LOXL1: variants seen among roughly 807,000 people sequenced by gnomAD.
The protein encoded by LOXL1 is lysyl oxidase like 1.
In LOXL1, 31 loss-of-function variants were observed where a neutral mutation model predicts 62.2. The ratio of observed to expected loss-of-function variants is 0.50; its 90% CI spans 0.37 to 0.67. The LOEUF (loss-of-function observed/expected upper bound fraction) is 0.67. Among genes scored for constraint, LOXL1 ranks in the 30% least tolerant of loss-of-function variants. The pLI, the probability that LOXL1 is intolerant of heterozygous loss-of-function variation, is 0.00. For synonymous variants in LOXL1, 403 were observed against 384.4 expected (o/e 1.05, Z -0.56); for missense variants, 775 against 843.4 (o/e 0.92, Z 1.00).
intron 1 of LOXL1, among the ~76,000 whole-genome samples, chr15:73,940,662 G>A (rs1430656358): frequency 2.6e-5 from 4 of 152,108 alleles, no homozygotes; most frequent in African/African-American, 9.7e-5. Flanking sequence ...GTGTGCCCAG[G>A]GCCAGGGTTC....
intron 1 of LOXL1, 83 bp downstream of exon 1, chr15:73,927,968 G>C (rs2068603455): frequency 1.6e-6 from 2 of 1,214,428 alleles, no homozygotes; most frequent in Non-Finnish European, 2.1e-6. Context: ...CCCCTCCTTA[G>C]AACTTCCTGG....
chr15:73,935,141 T>C (rs1004616457), intron 1 of LOXL1, among the ~76,000 whole-genome samples: 1 of 152,192 alleles, frequency 6.6e-6, no homozygotes, highest in African/African-American at 2.4e-5. Context: ...ACTCAGCGTT[T>C]GAGCTGAGTA....
intron 1 of LOXL1, among the ~76,000 whole-genome samples, chr15:73,934,728 C>T (rs558067354): frequency 6.6e-6 from 1 of 152,278 alleles, no homozygotes; most frequent in Admixed American, 6.5e-5. Flanking sequence ...TGTGGATCTT[C>T]TATTTTCATG....
chr15:73,931,371 T>G (rs2068634655), intron 1 of LOXL1, among the ~76,000 whole-genome samples: 1 of 152,154 alleles, frequency 6.6e-6, no homozygotes, highest in Non-Finnish European at 1.5e-5. Flanking sequence ...GTCCTGCATG[T>G]GGGGCAGATA....
intron 2 of LOXL1, among the ~76,000 whole-genome samples, chr15:73,946,029 G>A (rs1043405045): frequency 1.3e-5 from 2 of 152,156 alleles, no homozygotes; most frequent in African/African-American, 4.8e-5. Flanking sequence ...AAAGTGCCTG[G>A]CCCCCGCAAT....
At chr15:73,928,098 T>C in intron 1 of LOXL1, 1 of 419,306 alleles carries the variant, frequency 2.4e-6, no homozygotes, top group Non-Finnish European at 4.1e-6. Flanking sequence ...GCATCATCAG[T>C]GCCAGGGGTT....
chr15:73,946,034 C>T (rs536649285), intron 2 of LOXL1, among the ~76,000 whole-genome samples: 174 of 152,318 alleles, frequency 1.1e-3, no homozygotes, highest in Non-Finnish European at 1.9e-3. Context: ...GCCTGGCCCC[C>T]GCAATAGGGC....
chr15:73,946,047 T>A (rs896623037), intron 2 of LOXL1, among the ~76,000 whole-genome samples: 1 of 152,132 alleles, frequency 6.6e-6, no homozygotes, highest in African/African-American at 2.4e-5. Context: ...AATAGGGCTG[T>A]TTTTCAGTGG....
At position 73,947,915 on chromosome 15, in the gene LOXL1, G is replaced by A. The variant is rs767396248; in HGVS notation, c.1602+13G>A. Reference sequence around the variant, plus strand: ...CTACATCCTCAAGGTGGGCCTCTGGGTCTGGGGCTTTCCCTCCAACCTGAT... The same window carrying A: ...CTACATCCTCAAGGTGGGCCTCTGGATCTGGGGCTTTCCCTCCAACCTGAT... On this transcript the variant is annotated intron_variant, in intron 5 of 6. Transcript: ENST00000261921. The A allele has an allele frequency of 1.2e-6, 2 of 1,600,090 alleles. No individual in the cohort carries two copies. The highest frequency in any genetic ancestry group is 1.1e-5 in the South Asian group (1 of 89,996).
At chr15:73,929,306 C>T (rs2068619070) in intron 1 of LOXL1, among the ~76,000 whole-genome samples, 1 of 152,206 alleles carries the variant, frequency 6.6e-6, no homozygotes, top group Non-Finnish European at 1.5e-5. Flanking sequence ...TGTGCCTGGC[C>T]CACCAAGTAA....
intron 1 of LOXL1, chr15:73,941,987 G>T: frequency 3.7e-6 from 1 of 267,524 alleles, no homozygotes; most frequent in Non-Finnish European, 8.4e-6. Context: ...ACAAGGACGG[G>T]GGCAGTCTCC....
chr15:73,942,226 C>G (rs2068719026), intron 1 of LOXL1, among the ~76,000 whole-genome samples: 1 of 152,122 alleles, frequency 6.6e-6, no homozygotes, highest in South Asian at 2.1e-4. Context: ...GAGAATCCTG[C>G]CCTGTCAGCA....
At chr15:73,931,154 G>A (rs1055613543) in intron 1 of LOXL1, among the ~76,000 whole-genome samples, 7 of 136,652 alleles carry the variant, frequency 5.1e-5, no homozygotes, top group African/African-American at 1.5e-4. Context: ...CGCACCCCCC[G>A]CCTGACTCAC....
At chr15:73,940,102 G>T (rs1404038834) in intron 1 of LOXL1, among the ~76,000 whole-genome samples, 2 of 152,212 alleles carry the variant, frequency 1.3e-5, no homozygotes, top group African/African-American at 4.8e-5. Context: ...GAGCGGAGGA[G>T]ACACACACAG....
chr15:73,946,560 T>A lies in LOXL1; in HGVS notation c.1349+6T>A, dbSNP rs2068749404. The A allele has an allele frequency of 6.2e-7, 1 of 1,600,316 alleles. No individual in the cohort carries two copies. Among genetic ancestry groups the A allele is most frequent in the Non-Finnish European group, 8.5e-7 (1 of 1,173,546 alleles). On this transcript the variant is annotated splice_donor_region_variant and intron_variant, in intron 3 of 6. Coordinates refer to ENST00000261921, the MANE Select transcript of LOXL1 (RefSeq NM_005576.4). The stretch of plus-strand genomic sequence containing the variant: ...GAGTGGCACAGCTGCCACCAGTGAG[T>A]GGGGAGGGGCTGGGCCCGTCCTCTT...
chr15:73,938,317 AGG>A (rs879697994), intron 1 of LOXL1, among the ~76,000 whole-genome samples: 7,373 of 150,072 alleles, frequency 0.049, 241 homozygotes, highest in Admixed American at 0.059. Flanking sequence ...CTATCTATCT[AGG>A]TAGATAGATA....
intron 5 of LOXL1, among the ~76,000 whole-genome samples, chr15:73,948,112 AG>A (rs965649440): frequency 2.8e-4 from 42 of 152,342 alleles, no homozygotes; most frequent in African/African-American, 1.0e-3. Flanking sequence ...TAAAGAACCC[AG>A]GGAACCTTTG....
intron 1 of LOXL1, 74 bp from the exon 2 acceptor site, chr15:73,942,780 A>G (rs2068723492): frequency 1.1e-6 from 1 of 899,944 alleles, no homozygotes; most frequent in South Asian, 1.3e-5. Flanking sequence ...TCTGGGCATT[A>G]GCAGTGGCCA....
chr15:73,927,133 A>T lies in LOXL1; in HGVS notation c.350A>T (p.His117Leu). The part of the protein sequence containing the change: ...GSDTVRGQAR[H>L]PFGFGQVPDN... Reference sequence around the variant, plus strand: ...GACACCGTGCGCGGCCAGGCGCGGCACCCATTCGGCTTTGGCCAGGTGCCC... The same window carrying T: ...GACACCGTGCGCGGCCAGGCGCGGCTCCCATTCGGCTTTGGCCAGGTGCCC... The change falls in exon 1 of 7, where the codon CAC becomes CTC. Residue 117 changes from histidine to leucine, a missense_variant. His to Leu is a moderately conservative substitution (Grantham distance 99). Transcript: ENST00000261921. 7.0e-7 allele frequency: 1 copy of T among 1,432,712 alleles called. No homozygotes were observed. 88.7% of individuals were successfully genotyped at this position (1,432,712 alleles called of 1,614,324 possible).
Sources: allele counts gnomAD v4.1 joint callset (sites outside exome capture counted in the v4.1 genomes callset), GRCh38; gene constraint gnomAD v4.1.1; transcripts MANE v1.5; gene names NCBI Gene and HGNC (gene_info 2026-07-23, HGNC 2026-07-21).